The following XRCC5 variants were observed in gnomAD, a reference collection of about 807,000 sequenced individuals.
XRCC5 encodes the protein DNA repair protein Ku80.
Under a neutral mutation model 95.7 loss-of-function variants are expected in XRCC5, and 12 were observed. The observed-to-expected ratio is 0.13, with a 90% CI of 0.08 to 0.20. The LOEUF (loss-of-function observed/expected upper bound fraction) is 0.20. XRCC5 is among the 10% of genes least tolerant of loss of function. The pLI is 1.00. For synonymous variants in XRCC5, 281 were observed against 290.3 expected, an observed-to-expected ratio of 0.97 and a Z score of 0.33; for missense variants, 595 against 873.9, an observed-to-expected ratio of 0.68 and a Z score of 4.02.
intron 19 of XRCC5, among the ~76,000 whole-genome samples, chr2:216,197,866 C>G (rs1466284209): frequency 6.6e-6 from 1 of 152,110 alleles, no homozygotes; most frequent in African/African-American, 2.4e-5. Context: ...AGTATGTATA[C>G]CAGATATTTA....
intron 17 of XRCC5, among the ~76,000 whole-genome samples, 174 bp downstream of exon 17, chr2:216,190,508 T>C (rs570341632): frequency 5.3e-5 from 8 of 152,332 alleles, no homozygotes; most frequent in Admixed American, 2.6e-4. Context: ...ACTATCACTG[T>C]CATTTCTGAG....
At chr2:216,194,828 G>A in intron 18 of XRCC5, 91 bp from the exon 19 acceptor site, 2 of 1,202,130 alleles carry the variant, frequency 1.7e-6, no homozygotes, top group Non-Finnish European at 2.5e-6. Context: ...GAAATCTTCA[G>A]CTCAAAGGTG....
At chr2:216,156,990 G>A (rs1209071810) in intron 14 of XRCC5, among the ~76,000 whole-genome samples, 1 of 152,178 alleles carries the variant, frequency 6.6e-6, no homozygotes, top group African/African-American at 2.4e-5. Context: ...GGGTCGTGAA[G>A]GATCCTGCCC....
chr2:216,144,048 A>G (rs1265840839), intron 13 of XRCC5, among the ~76,000 whole-genome samples: 3 of 152,138 alleles, frequency 2.0e-5, no homozygotes, highest in African/African-American at 7.2e-5. Flanking sequence ...CTCTAGAAGA[A>G]TGAGAAAAGT....
rs3218739 is a variant in XRCC5, at chr2:216,125,899, A to G, written c.684-18A>G. 2.7e-4 allele frequency: 424 copies of G among 1,598,124 alleles called. 6 individuals carry two copies. In the East Asian group the frequency reaches 8.1e-3, roughly 31 times the overall value. On this transcript the variant is annotated intron_variant, in intron 6 of 20. Coordinates refer to ENST00000392132, the MANE Select transcript of XRCC5 (RefSeq NM_021141.4). ...ATTTAAAAATTGTTGCTTTCATTTTATATTTTTCTTTATTAAGTGAGAGTC... is the reference window on the plus strand; with the variant it reads ...ATTTAAAAATTGTTGCTTTCATTTTGTATTTTTCTTTATTAAGTGAGAGTC...
chr2:216,201,632 C>T (rs756402505), intron 19 of XRCC5, among the ~76,000 whole-genome samples: 19 of 152,192 alleles, frequency 1.2e-4, no homozygotes, highest in Non-Finnish European at 1.5e-5. Flanking sequence ...CACACACATG[C>T]CCTTTCTATC....
intron 14 of XRCC5, chr2:216,156,757 T>C (rs1688851062): frequency 1.1e-5 from 6 of 532,858 alleles, no homozygotes; most frequent in Non-Finnish European, 2.3e-5. Flanking sequence ...CGCTGCTCCA[T>C]TGGAACAAAG....
intron 8 of XRCC5, 63 bp downstream of exon 8, chr2:216,127,737 G>A (rs1574456763): frequency 6.7e-7 from 1 of 1,489,020 alleles, no homozygotes. Context: ...ATGTGATGCA[G>A]GCTGGGGTTT....
At position 216,162,055 on chromosome 2, in the gene XRCC5, G is replaced by GACTC. The variant is rs753666804; in HGVS notation, c.1834+7_1834+8insACTC. The GACTC allele has an allele frequency of 6.2e-7, 1 of 1,613,506 alleles. No individual in the cohort carries two copies. ...AAGGCCAGCTTTGAGGAAGGTGAGT[G>GACTC]GTTGACTTTGCATTTAGGAGAAGCT... is the stretch of plus-strand genomic sequence containing the variant. On this transcript the variant is annotated splice_region_variant and intron_variant, in intron 16 of 20. Transcript: ENST00000392132.
intron 14 of XRCC5, among the ~76,000 whole-genome samples, chr2:216,153,487 T>C (rs764012491): frequency 6.6e-6 from 1 of 152,244 alleles, no homozygotes; most frequent in Admixed American, 6.5e-5. Flanking sequence ...AAGATTGATA[T>C]CAAGGAATCT....
chr2:216,193,393 A>T (rs1438852660), intron 18 of XRCC5, among the ~76,000 whole-genome samples: 1 of 152,242 alleles, frequency 6.6e-6, no homozygotes, highest in Non-Finnish European at 1.5e-5. Flanking sequence ...ACATATTATG[A>T]AAATGATTAT....
At chr2:216,169,762 C>G (rs1338655448) in intron 16 of XRCC5, among the ~76,000 whole-genome samples, 1 of 151,336 alleles carries the variant, frequency 6.6e-6, no homozygotes, top group Non-Finnish European at 1.5e-5. Flanking sequence ...TGAAATGCAC[C>G]TGGCCGGGCG....
intron 16 of XRCC5, among the ~76,000 whole-genome samples, chr2:216,177,238 G>A (rs182993182): frequency 1.8e-3 from 267 of 152,272 alleles, no homozygotes; most frequent in Middle Eastern, 3.4e-3. Flanking sequence ...TCTGTCTTTT[G>A]ACTTTCTATC....
intron 13 of XRCC5, among the ~76,000 whole-genome samples, chr2:216,147,442 A>G (rs554490193): frequency 6.6e-6 from 1 of 152,180 alleles, no homozygotes; most frequent in Admixed American, 6.5e-5. Context: ...AGAAGCTGGG[A>G]AACCAGTTAG....
intron 16 of XRCC5, among the ~76,000 whole-genome samples, chr2:216,171,850 A>T (rs1416123751): frequency 6.6e-6 from 1 of 152,184 alleles, no homozygotes; most frequent in Non-Finnish European, 1.5e-5. Context: ...TGCACTTATT[A>T]ATTCTACTTT....
At chr2:216,190,527 A>G (rs1689596794) in intron 17 of XRCC5, among the ~76,000 whole-genome samples, 193 bp downstream of exon 17, 1 of 152,204 alleles carries the variant, frequency 6.6e-6, no homozygotes, top group African/African-American at 2.4e-5. Flanking sequence ...AGATGGGATA[A>G]AGATGAGTAG....
chr2:216,109,469 G>T lies in XRCC5; in HGVS notation c.21+12G>T. ...GGTCGGGGAATAAGGTATAAAGAAA[G>T]CCATGGACTTGGGCTTTACCCGGAC... On this transcript the variant is annotated intron_variant, in intron 1 of 20. Coordinates refer to ENST00000392132, the MANE Select transcript of XRCC5 (RefSeq NM_021141.4). 1 of 1,613,968 alleles carries T rather than the reference G, an allele frequency of 6.2e-7. No homozygotes were observed. The highest frequency in any genetic ancestry group is 1.3e-5 in the African/African-American group (1 of 75,056).
At chr2:216,196,909 CAATT>C (rs1426135705) in intron 19 of XRCC5, among the ~76,000 whole-genome samples, 1 of 152,118 alleles carries the variant, frequency 6.6e-6, no homozygotes, top group Non-Finnish European at 1.5e-5. Flanking sequence ...ACCTATCAAT[CAATT>C]TTTGTTAAAC....
Position 216,150,951 on chromosome 2 carries a change from A to G in XRCC5, c.1670+2675A>G, listed in dbSNP as rs1688730116. Among the ~76,000 whole-genome samples the G allele has an allele frequency of 2.0e-5, 3 of 152,288 alleles. No homozygotes were observed. In the South Asian group the frequency reaches 6.2e-4, roughly 32 times the overall value. ...GCGCTATGATGTCATGACAGCCCTG[A>G]TGTCACAAGGCGATAAGAATTTTTC... On this transcript the variant is annotated intron_variant, in intron 14 of 20. Transcript: ENST00000392132.
Sources: gnomAD v4.1 joint callset for allele counts (sites outside exome capture counted in the v4.1 genomes callset) on GRCh38, gnomAD v4.1.1 for gene constraint, MANE v1.5 for transcripts, NCBI Gene and HGNC (gene_info 2026-07-23, HGNC 2026-07-21) for gene names.